DCDC1: variants seen among roughly 807,000 people sequenced by gnomAD.
DCDC1 encodes the protein doublecortin domain-containing protein 1.
A neutral mutation model predicts 178.3 loss-of-function variants in DCDC1; 200 were observed. That is an observed-to-expected ratio of 1.12 (90% CI 1.00 to 1.26). The LOEUF is 1.26. DCDC1 is among the 50% of genes most tolerant of loss of function. DCDC1 has a pLI of 0.00. For missense variants in DCDC1, 1,983 were observed against 1,749.2 expected (o/e 1.13, Z -2.38); for synonymous variants, 690 against 604.8 (o/e 1.14, Z -2.07).
At chr11:31,163,860 A>G (rs983491380) in intron 9 of DCDC1, among the ~76,000 whole-genome samples, 2 of 152,200 alleles carry the variant, frequency 1.3e-5, no homozygotes, top group African/African-American at 2.4e-5. Flanking sequence ...GAATTCTCCT[A>G]ACATTTCATG....
At chr11:31,340,514 GGCCATGGTGACCAGC>G (rs1437059598) in intron 1 of DCDC1, among the ~76,000 whole-genome samples, 2 of 152,150 alleles carry the variant, frequency 1.3e-5, no homozygotes, top group African/African-American at 4.8e-5. Context: ...AACTTGGCAG[GGCCATGGTGACCAGC>G]TATTTGATCA....
chr11:31,203,116 T>C lies in DCDC1; in HGVS notation c.1221+38334A>G, dbSNP rs941265541. Among the ~76,000 whole-genome samples, 24 of 151,838 alleles carry C rather than the reference T, an allele frequency of 1.6e-4. No individual in the cohort carries two copies. The South Asian group carries it at 2.1e-3, about 13-fold the overall frequency. On this transcript the variant is annotated intron_variant, in intron 9 of 38. Transcript: ENST00000684477. ...ACTTCGATGAGACTGCAAACCAAAA[T>C]GCCAAAGCAGATAAAAAAATAAAAT... is the stretch of plus-strand genomic sequence containing the variant.
chr11:31,265,177 T>C (rs1245459784), intron 8 of DCDC1, among the ~76,000 whole-genome samples: 1 of 152,144 alleles, frequency 6.6e-6, no homozygotes, highest in Non-Finnish European at 1.5e-5. Context: ...CATACAGTAA[T>C]GCAATTTCTC....
intron 12 of DCDC1, among the ~76,000 whole-genome samples, chr11:31,109,593 A>C (rs1959071387): frequency 6.6e-6 from 1 of 152,158 alleles, no homozygotes. Flanking sequence ...CAGGAGAGGT[A>C]AGTCTGAGGG....
At position 31,338,982 on chromosome 11, in the gene DCDC1, A is replaced by G. The variant is rs529223453; in HGVS notation, c.-124-3418T>C. 9.9e-5 allele frequency among the ~76,000 whole-genome samples: 15 copies of G among 152,278 alleles called. No individual in the cohort carries two copies. The South Asian group carries it at 1.9e-3, about 19-fold the overall frequency. The stretch of plus-strand genomic sequence containing the variant: ...AACCTCTTTTTCTTACCCATCCTCA[A>G]TGTAAACTTTTCTTAACATCTTGTA... On this transcript the variant is annotated intron_variant, in intron 1 of 38. Transcript: ENST00000684477.
chr11:30,874,230 C>A (rs1213060839), intron 38 of DCDC1, among the ~76,000 whole-genome samples: 1 of 152,268 alleles, frequency 6.6e-6, no homozygotes. Flanking sequence ...GTGGTCACGA[C>A]GTGCTTCTTC....
chr11:31,223,410 A>C (rs1231123874), intron 9 of DCDC1, among the ~76,000 whole-genome samples: 1 of 152,184 alleles, frequency 6.6e-6, no homozygotes, highest in African/African-American at 2.4e-5. Context: ...GTGTTAACTA[A>C]TACAATAGCC....
At chr11:31,144,427 G>A (rs954663789) in intron 9 of DCDC1, among the ~76,000 whole-genome samples, 3 of 152,178 alleles carry the variant, frequency 2.0e-5, no homozygotes, top group Admixed American at 1.3e-4. Flanking sequence ...ATGAACCACC[G>A]TGCCCGGCCA....
intron 21 of DCDC1, among the ~76,000 whole-genome samples, chr11:30,949,933 C>T (rs1203247187): frequency 6.6e-6 from 1 of 152,026 alleles, no homozygotes; most frequent in African/African-American, 2.4e-5. Flanking sequence ...CAGCAAACCA[C>T]CACGGCAAGT....
At chr11:31,272,222 G>A (rs185780734) in intron 7 of DCDC1, among the ~76,000 whole-genome samples, 33 of 150,884 alleles carry the variant, frequency 2.2e-4, no homozygotes, top group Admixed American at 1.4e-3. Context: ...AGAACAGCAC[G>A]GGAAAGACCT....
At chr11:30,884,906 A>G (rs1300956730) in intron 36 of DCDC1, among the ~76,000 whole-genome samples, 2 of 152,122 alleles carry the variant, frequency 1.3e-5, no homozygotes, top group Non-Finnish European at 2.9e-5. Context: ...TTCAGTCAAA[A>G]TCCTATAGGA....
intron 9 of DCDC1, among the ~76,000 whole-genome samples, chr11:31,228,513 A>G (rs1975311144): frequency 6.6e-6 from 1 of 152,106 alleles, no homozygotes; most frequent in South Asian, 2.1e-4. Flanking sequence ...CTAGAAAAAG[A>G]AATATCAATT....
intron 7 of DCDC1, among the ~76,000 whole-genome samples, chr11:31,266,501 A>C (rs2137119660): frequency 6.6e-6 from 1 of 152,354 alleles, no homozygotes; most frequent in East Asian, 1.9e-4. Context: ...CACCATATTC[A>C]TCTAAAAATA....
chr11:30,970,671 TG>T (rs1273706606), intron 20 of DCDC1, among the ~76,000 whole-genome samples: 1 of 152,132 alleles, frequency 6.6e-6, no homozygotes, highest in Non-Finnish European at 1.5e-5. Context: ...GGGGCTAAAG[TG>T]TACACTCCCC....
At chr11:31,158,004 C>G (rs1483654937) in intron 9 of DCDC1, among the ~76,000 whole-genome samples, 1 of 152,074 alleles carries the variant, frequency 6.6e-6, no homozygotes, top group East Asian at 1.9e-4. Context: ...AGCTCATTAA[C>G]CCATGCATTA....
intron 20 of DCDC1, among the ~76,000 whole-genome samples, chr11:31,022,908 C>A (rs1952981117): frequency 6.6e-6 from 1 of 151,988 alleles, no homozygotes; most frequent in Non-Finnish European, 1.5e-5. Context: ...TGAATGGTGT[C>A]CTAATGTCAC....
At chr11:31,160,772 C>T (rs1458923573) in intron 9 of DCDC1, among the ~76,000 whole-genome samples, 3 of 152,102 alleles carry the variant, frequency 2.0e-5, no homozygotes, top group African/African-American at 7.2e-5. Context: ...TGCTGTGAAA[C>T]ATTTAAAAAA....
intron 9 of DCDC1, among the ~76,000 whole-genome samples, chr11:31,173,925 T>C (rs1189649039): frequency 1.3e-5 from 2 of 152,224 alleles, no homozygotes; most frequent in Admixed American, 6.5e-5. Context: ...CTAGGGCAGC[T>C]GCTGCCATGA....
At chr11:31,033,833 A>C (rs910399961) in intron 20 of DCDC1, among the ~76,000 whole-genome samples, 2 of 152,122 alleles carry the variant, frequency 1.3e-5, no homozygotes, top group Admixed American at 1.3e-4. Flanking sequence ...GTTTTTAACA[A>C]AATTTAAAAA....
Sources: allele counts gnomAD v4.1 joint callset (sites outside exome capture counted in the v4.1 genomes callset), GRCh38; gene constraint gnomAD v4.1.1; transcripts MANE v1.5; gene names NCBI Gene and HGNC (gene_info 2026-07-23, HGNC 2026-07-21).